Variants in GIPC2 observed in about 807,000 individuals in gnomAD.
The protein encoded by GIPC2 is PDZ domain-containing protein GIPC2.
In GIPC2, 30 loss-of-function variants were observed where a neutral mutation model predicts 30.6. The ratio of observed to expected loss-of-function variants is 0.98; its 90% CI spans 0.73 to 1.33. GIPC2 has a LOEUF of 1.33. Ranked by LOEUF, GIPC2 falls within the 40% of genes most tolerant of loss-of-function variation. GIPC2 has a pLI of 0.00. For missense variants in GIPC2, 414 were observed against 390.3 expected (o/e 1.06, Z -0.51); for synonymous variants, 167 against 150.0 (o/e 1.11, Z -0.83).
At position 78,052,138 on chromosome 1, in the gene GIPC2, G is replaced by A. The variant is rs531366055; in HGVS notation, c.240+5804G>A. On this transcript the variant is annotated intron_variant, in intron 1 of 5. Coordinates refer to ENST00000370759, the MANE Select transcript of GIPC2 (RefSeq NM_017655.6). The stretch of plus-strand genomic sequence containing the variant: ...GACTTTTGCATTGGTTTTTGCCTCC[G>A]CCAGAACCTCTTCCTACAGAATGCC... Among the ~76,000 whole-genome samples the A allele has an allele frequency of 1.1e-4, 17 of 152,108 alleles. No individual in the cohort carries two copies. In the South Asian group the frequency reaches 2.7e-3, roughly 24 times the overall value.
chr1:78,097,133 G>A (rs910659503), intron 3 of GIPC2, among the ~76,000 whole-genome samples: 1 of 152,122 alleles, frequency 6.6e-6, no homozygotes, highest in African/African-American at 2.4e-5. Context: ...ATATATCAGG[G>A]GGTACTTGGG....
At chr1:78,066,933 A>G (rs1661523689) in intron 1 of GIPC2, among the ~76,000 whole-genome samples, 1 of 152,200 alleles carries the variant, frequency 6.6e-6, no homozygotes, top group South Asian at 2.1e-4. Context: ...ACTAGTGGGT[A>G]CTAGGCTTAA....
At chr1:78,133,749 ATTGTGTGT>A (rs746369623) in intron 5 of GIPC2, among the ~76,000 whole-genome samples, 4 of 96,614 alleles carry the variant, frequency 4.1e-5, no homozygotes, top group Non-Finnish European at 7.8e-5. Context: ...GGAAAAAAAA[ATTGTGTGT>A]GTGTGTGTGT....
At chr1:78,101,388 C>T (rs1360561817) in intron 3 of GIPC2, among the ~76,000 whole-genome samples, 1 of 152,116 alleles carries the variant, frequency 6.6e-6, no homozygotes, top group Non-Finnish European at 1.5e-5. Context: ...TAGGTTTCAA[C>T]CAGTGTGTTT....
chr1:78,085,568 G>C (rs903915121), intron 2 of GIPC2, among the ~76,000 whole-genome samples: 14 of 137,978 alleles, frequency 1.0e-4, no homozygotes, highest in Non-Finnish European at 1.7e-4. Flanking sequence ...TTTTTTTTTT[G>C]GTTGGTAGGT....
At chr1:78,078,279 C>T (rs556557130) in intron 1 of GIPC2, among the ~76,000 whole-genome samples, 1 of 150,914 alleles carries the variant, frequency 6.6e-6, no homozygotes, top group East Asian at 1.9e-4. Context: ...AATTTCTAGA[C>T]CTTTATCATA....
intron 3 of GIPC2, among the ~76,000 whole-genome samples, chr1:78,115,149 G>GT (rs1662545029): frequency 6.6e-6 from 1 of 151,980 alleles, no homozygotes; most frequent in African/African-American, 2.4e-5. Context: ...CCTTAGCTTT[G>GT]TAAGTCCCAG....
At chr1:78,045,926 G>A, upstream of GIPC2, 5 of 1,342,646 alleles carry the variant, frequency 3.7e-6, no homozygotes, top group Non-Finnish European at 4.7e-6. Context: ...CGGCTGCTCC[G>A]GTCCAGGGGT....
intron 2 of GIPC2, among the ~76,000 whole-genome samples, chr1:78,082,343 A>G (rs1456940986): frequency 6.6e-6 from 1 of 152,224 alleles, no homozygotes; most frequent in African/African-American, 2.4e-5. Context: ...TTGCTGATGC[A>G]TTGTCACCAT....
rs1342695497 is a variant in GIPC2 at position 78,095,085 on chromosome 1, A to C, written c.560A>C (p.Lys187Thr). 3 of 1,612,886 alleles carry C rather than the reference A, an allele frequency of 1.9e-6. No homozygotes were observed. The highest frequency in any genetic ancestry group is 2.5e-6 in the Non-Finnish European group (3 of 1,178,980). Residue 187 changes from lysine to threonine, a missense_variant, in exon 3 of 6, where the codon AAG becomes ACG. Transcript: ENST00000370759. ...DVAKKLKELK[K>T]EELFTMKLIE... ...GCTAAGAAGTTAAAGGAATTAAAAA[A>C]GGAGGAACTCTTTACTATGAAGTTA...
rs577214741 is a variant in GIPC2 at position 78,131,246 on chromosome 1, G to A, written c.797-4346G>A. Among the ~76,000 whole-genome samples, 4 of 148,906 alleles carry A rather than the reference G, an allele frequency of 2.7e-5. No homozygotes were observed. The South Asian group carries it at 6.4e-4, about 24-fold the overall frequency. ...TTTTGAGACAGAGTCTTGCTCTGTCGCCCAGGCTGGAGTGCAGTGTGGCGC... is the reference window on the plus strand; with the variant it reads ...TTTTGAGACAGAGTCTTGCTCTGTCACCCAGGCTGGAGTGCAGTGTGGCGC... On this transcript the variant is annotated intron_variant, in intron 5 of 5. Coordinates refer to ENST00000370759, the MANE Select transcript of GIPC2 (RefSeq NM_017655.6).
chr1:78,117,895 A>T (rs1344652334), intron 3 of GIPC2, among the ~76,000 whole-genome samples: 3 of 152,186 alleles, frequency 2.0e-5, no homozygotes, highest in Admixed American at 1.3e-4. Flanking sequence ...CCGGAGATGC[A>T]CACAAAACTC....
chr1:78,125,111 G>A (rs565953694), intron 4 of GIPC2, among the ~76,000 whole-genome samples: 1 of 152,272 alleles, frequency 6.6e-6, no homozygotes, highest in Admixed American at 6.5e-5. Context: ...GCTCACTACA[G>A]CCTCGTCATC....
intron 3 of GIPC2, among the ~76,000 whole-genome samples, chr1:78,113,505 A>T (rs957364536): frequency 2.0e-5 from 3 of 152,120 alleles, no homozygotes; most frequent in African/African-American, 7.2e-5. Flanking sequence ...CTCCTGCTTC[A>T]GCCTCCTGAG....
chr1:78,048,602 A>C (rs1661139891), intron 1 of GIPC2, among the ~76,000 whole-genome samples: 2 of 151,794 alleles, frequency 1.3e-5, no homozygotes, highest in African/African-American at 4.8e-5. Flanking sequence ...AATTAAAAAA[A>C]CTTTTTTTTA....
intron 3 of GIPC2, among the ~76,000 whole-genome samples, chr1:78,109,174 A>G (rs147171292): frequency 6.6e-6 from 1 of 152,290 alleles, no homozygotes; most frequent in East Asian, 1.9e-4. Context: ...AAGGAGAGAG[A>G]CTTTGGCTCA....
At chr1:78,130,287 A>G (rs909622979) in intron 5 of GIPC2, among the ~76,000 whole-genome samples, 5 of 151,972 alleles carry the variant, frequency 3.3e-5, no homozygotes, top group Non-Finnish European at 7.4e-5. Context: ...TATTTTTAGT[A>G]GAGATGGGGT....
intron 1 of GIPC2, among the ~76,000 whole-genome samples, chr1:78,053,682 G>A (rs1367640157): frequency 7.3e-6 from 1 of 136,442 alleles, no homozygotes; most frequent in Non-Finnish European, 1.5e-5. Context: ...TGAGAAGGGA[G>A]AATCCTTGAA....
At chr1:78,061,541 C>T (rs1023417803) in intron 1 of GIPC2, among the ~76,000 whole-genome samples, 9 of 151,572 alleles carry the variant, frequency 5.9e-5, no homozygotes, top group African/African-American at 1.7e-4. Flanking sequence ...CCTTCTGTCG[C>T]CCAGGCTGGG....
Sources: allele counts gnomAD v4.1 joint callset (sites outside exome capture counted in the v4.1 genomes callset), GRCh38; gene constraint gnomAD v4.1.1; transcripts MANE v1.5; gene names NCBI Gene and HGNC (gene_info 2026-07-23, HGNC 2026-07-21).